BCKDHB: variants seen among roughly 807,000 people sequenced by gnomAD.
BCKDHB encodes 2-oxoisovalerate dehydrogenase subunit beta, mitochondrial.
BCKDHB carries 41 observed loss-of-function variants against 48.5 expected under a neutral mutation model. That is an observed-to-expected ratio of 0.85 (90% confidence interval 0.66 to 1.10). BCKDHB has a LOEUF of 1.10. BCKDHB is among the 50% of genes least tolerant of loss of function. The probability of loss-of-function intolerance (pLI) is 0.00; values close to 1 mark genes in which losing one functional copy is unlikely to be tolerated. For synonymous variants in BCKDHB, 201 were observed against 174.8 expected (o/e 1.15, Z -1.18); for missense variants, 496 against 494.2 (o/e 1.00, Z -0.03).
intron 1 of BCKDHB, 121 bp downstream of exon 1, chr6:80,107,010 ACT>A (rs1055455293): frequency 1.5e-4 from 185 of 1,262,550 alleles, no homozygotes; most frequent in Non-Finnish European, 2.0e-4. Context: ...TAACTTCCTG[ACT>A]CTCTGGAACC....
intron 8 of BCKDHB, among the ~76,000 whole-genome samples, chr6:80,238,794 C>T (rs929177170): frequency 6.6e-6 from 1 of 152,014 alleles, no homozygotes; most frequent in Non-Finnish European, 1.5e-5. Context: ...TGTTCCCCAC[C>T]CTGTGTCCAA....
chr6:80,389,720 G>C, the BCKDHB span, among the ~76,000 whole-genome samples: 2 of 152,166 alleles, frequency 1.3e-5, no homozygotes, highest in South Asian at 4.1e-4. Context: ...TGGTGGAATG[G>C]CCTTTTGAAG....
the BCKDHB span, among the ~76,000 whole-genome samples, chr6:80,429,221 G>C: frequency 2.6e-5 from 4 of 151,996 alleles, no homozygotes; most frequent in African/African-American, 9.7e-5. Flanking sequence ...GTTCAGTTCT[G>C]TTGGTCTATG....
At chr6:80,122,849 A>G (rs1030342531) in intron 1 of BCKDHB, among the ~76,000 whole-genome samples, 1 of 152,064 alleles carries the variant, frequency 6.6e-6, no homozygotes, top group African/African-American at 2.4e-5. Flanking sequence ...ACCAGCTTGG[A>G]GTTTTTCCCC....
chr6:80,459,453 C>T, the BCKDHB span, among the ~76,000 whole-genome samples: 1 of 152,024 alleles, frequency 6.6e-6, no homozygotes, highest in South Asian at 2.1e-4. Context: ...TCAAAGAAAG[C>T]AATGGTGGTT....
intron 2 of BCKDHB, among the ~76,000 whole-genome samples, chr6:80,128,221 A>G (rs907238432): frequency 3.3e-5 from 5 of 151,944 alleles, no homozygotes; most frequent in African/African-American, 9.7e-5. Context: ...TATGTTGACT[A>G]TACATTGGGC....
chr6:80,263,548 A>G (rs1777388884), intron 8 of BCKDHB, among the ~76,000 whole-genome samples: 1 of 152,148 alleles, frequency 6.6e-6, no homozygotes, highest in Non-Finnish European at 1.5e-5. Flanking sequence ...AGCCTTGCCC[A>G]TGTATTATGA....
intron 8 of BCKDHB, among the ~76,000 whole-genome samples, chr6:80,211,870 C>A (rs1470309852): frequency 6.6e-6 from 1 of 152,120 alleles, no homozygotes; most frequent in Non-Finnish European, 1.5e-5. Context: ...CCCACCTGAG[C>A]CTCAAATCAG....
At chr6:80,385,432 G>A in the BCKDHB span, among the ~76,000 whole-genome samples, 5 of 152,312 alleles carry the variant, frequency 3.3e-5, no homozygotes, top group Admixed American at 3.3e-4. Context: ...ATGTGTGGGA[G>A]GACCCTGTTG....
At position 80,286,376 on chromosome 6, in the gene BCKDHB, G is replaced by A. The variant is rs556242766; in HGVS notation, c.1038+13155G>A. On this transcript the variant is annotated intron_variant, in intron 9 of 9. Coordinates refer to ENST00000320393, the MANE Select transcript of BCKDHB (RefSeq NM_183050.4). ...TAAGTACTTAAACATTCATTTGTAT[G>A]ACTTTTCTTACTACTTGCCTTGTTA... is the stretch of plus-strand genomic sequence containing the variant. Among the ~76,000 whole-genome samples the A allele has an allele frequency of 2.2e-3, 336 of 152,246 alleles. 2 individuals are homozygous for A. Among genetic ancestry groups the A allele is most frequent in the African/African-American group, 7.8e-3 (325 of 41,552 alleles).
At chr6:80,428,539 T>C in the BCKDHB span, among the ~76,000 whole-genome samples, 1 of 152,182 alleles carries the variant, frequency 6.6e-6, no homozygotes, top group Non-Finnish European at 1.5e-5. Flanking sequence ...ATCTGTTGTT[T>C]CCTGACTTTT....
intron 8 of BCKDHB, among the ~76,000 whole-genome samples, chr6:80,248,426 T>C (rs1287918606): frequency 6.6e-6 from 1 of 152,234 alleles, no homozygotes; most frequent in Non-Finnish European, 1.5e-5. Flanking sequence ...TTAGGGTTTA[T>C]TTTTATCATT....
intron 3 of BCKDHB, among the ~76,000 whole-genome samples, chr6:80,139,287 T>C (rs1028083303): frequency 6.6e-6 from 1 of 152,032 alleles, no homozygotes; most frequent in Non-Finnish European, 1.5e-5. Context: ...TCTTTTGCTG[T>C]GCAGAAGCTC....
intron 3 of BCKDHB, among the ~76,000 whole-genome samples, chr6:80,159,297 CA>C (rs553947527): frequency 1.3e-5 from 2 of 151,516 alleles, no homozygotes; most frequent in African/African-American, 2.4e-5. Context: ...TAAAAAAACC[CA>C]AAAAAACAAC....
chr6:80,326,768 A>G (rs1769050724), intron 9 of BCKDHB, among the ~76,000 whole-genome samples: 1 of 152,226 alleles, frequency 6.6e-6, no homozygotes, highest in East Asian at 1.9e-4. Flanking sequence ...TGTGTCTGTA[A>G]TCCCAGAGAA....
At chr6:80,352,740 A>G in the BCKDHB span, among the ~76,000 whole-genome samples, 1 of 152,188 alleles carries the variant, frequency 6.6e-6, no homozygotes, top group African/African-American at 2.4e-5. Flanking sequence ...CATATATATG[A>G]CATTAGCCAC....
chr6:80,107,039 T>A, intron 1 of BCKDHB, 150 bp downstream of exon 1: 1 of 1,027,948 alleles, frequency 9.7e-7, no homozygotes, highest in Non-Finnish European at 1.5e-6. Context: ...CCTCAGGGTC[T>A]AACTGTGGTT....
chr6:80,406,736 T>C, the BCKDHB span, among the ~76,000 whole-genome samples: 1 of 152,164 alleles, frequency 6.6e-6, no homozygotes, highest in East Asian at 1.9e-4. Context: ...GTTTAAGTTC[T>C]TTGTAGATTC....
chr6:80,380,003 A>G, the BCKDHB span, among the ~76,000 whole-genome samples: 4 of 152,154 alleles, frequency 2.6e-5, no homozygotes, highest in Non-Finnish European at 5.9e-5. Context: ...TAAAATGGCA[A>G]TATTGCCCAA....
Sources: allele counts gnomAD v4.1 joint callset (sites outside exome capture counted in the v4.1 genomes callset), GRCh38; gene constraint gnomAD v4.1.1; transcripts MANE v1.5; gene names NCBI Gene and HGNC (gene_info 2026-07-23, HGNC 2026-07-21).